The following GON4L variants were observed in gnomAD, a reference collection of about 807,000 sequenced individuals.
GON4L encodes the protein gon-4 like.
GON4L carries 87 observed loss-of-function variants against 211.8 expected under a neutral mutation model. The ratio of observed to expected loss-of-function variants is 0.41; its 90% CI spans 0.35 to 0.49. The LOEUF is 0.49. Ranked by LOEUF, GON4L falls within the 20% of genes least tolerant of loss-of-function variation. The probability of loss-of-function intolerance (pLI) is 0.15; values close to 1 mark genes in which losing one functional copy is unlikely to be tolerated. For missense variants in GON4L, 2,155 were observed against 2,659.5 expected (o/e 0.81, Z 4.17); for synonymous variants, 875 against 962.6 (o/e 0.91, Z 1.68).
chr1:155,854,873 T>C (rs1672128606), intron 1 of GON4L, among the ~76,000 whole-genome samples: 1 of 151,972 alleles, frequency 6.6e-6, no homozygotes. Flanking sequence ...CTGTCTCTAC[T>C]AAAAATACAA....
At chr1:155,854,982 C>T (rs531895883) in intron 1 of GON4L, among the ~76,000 whole-genome samples, 2 of 150,870 alleles carry the variant, frequency 1.3e-5, no homozygotes, top group East Asian at 2.0e-4. Context: ...TGCAGTGAGC[C>T]GAGATCACTC....
intron 2 of GON4L, among the ~76,000 whole-genome samples, chr1:155,837,005 C>A (rs1474647369): frequency 1.3e-5 from 2 of 152,142 alleles, no homozygotes; most frequent in Non-Finnish European, 2.9e-5. Flanking sequence ...GTTGGCCACC[C>A]CCAGGTTTTC....
chr1:155,752,088 C>T lies in GON4L; in HGVS notation c.6345G>A (p.Leu2115=). 1.2e-6 allele frequency: 2 copies of T among 1,613,756 alleles called. No individual in the cohort carries two copies. The highest frequency in any genetic ancestry group is 1.7e-6 in the Non-Finnish European group (2 of 1,179,714). Residue 2115 remains leucine, a synonymous_variant, in exon 30 of 32, where the codon TTG becomes TTA. Coordinates refer to ENST00000368331, the MANE Select transcript of GON4L (RefSeq NM_001282860.2). Reference sequence around the variant, plus strand: ...TGGCCTGTGTTCCACTGTCTTTAGCCAAACCCCCTCTAGGGGCTTTGGGAG... The same window carrying T: ...TGGCCTGTGTTCCACTGTCTTTAGCTAAACCCCCTCTAGGGGCTTTGGGAG... The part of the protein sequence containing the change: ...ETSPKAPRGG[L]AKDSGTQAKG...
At chr1:155,825,743 T>G (rs1218922989) in intron 3 of GON4L, among the ~76,000 whole-genome samples, 1 of 151,516 alleles carries the variant, frequency 6.6e-6, no homozygotes, top group Non-Finnish European at 1.5e-5. Context: ...CAAAAAAAAT[T>G]TTTTAATTAG....
At chr1:155,847,986 A>G (rs1055943292) in intron 2 of GON4L, among the ~76,000 whole-genome samples, 1 of 152,210 alleles carries the variant, frequency 6.6e-6, no homozygotes, top group Admixed American at 6.5e-5. Context: ...GTTACCTTAT[A>G]TGGTTTAAAA....
chr1:155,779,154 T>C (rs1238598573), intron 14 of GON4L, among the ~76,000 whole-genome samples: 1 of 145,942 alleles, frequency 6.9e-6, no homozygotes, highest in Non-Finnish European at 1.5e-5. Flanking sequence ...CTCAGGAGGC[T>C]GAGGCAGGAG....
chr1:155,847,182 T>G (rs1239075656), intron 2 of GON4L, among the ~76,000 whole-genome samples: 1 of 152,202 alleles, frequency 6.6e-6, no homozygotes, highest in Non-Finnish European at 1.5e-5. Context: ...ACCACAAGTT[T>G]TGGACCCATA....
At position 155,757,208 on chromosome 1, in the gene GON4L, A is replaced by G. The variant is rs981157291; in HGVS notation, c.5369T>C (p.Ile1790Thr). ...ATACTCCTTTTCCTCAGTCCAATTG[A>G]TCTCTTCAAAGTCACCCATCCGGCT... ...AASRMGDFEEINWTEEKEYEF... is the reference protein window; with the variant it reads ...AASRMGDFEETNWTEEKEYEF... Residue 1790 changes from isoleucine (I) to threonine (T), a missense_variant, in exon 26 of 32, where the codon ATC (isoleucine) becomes ACC (threonine). By Grantham distance (89) the Ile-to-Thr change is moderately conservative. Transcript: ENST00000368331. 2 of 1,613,756 alleles carry G rather than the reference A, an allele frequency of 1.2e-6. No homozygotes were observed. The highest frequency in any genetic ancestry group is 2.2e-5 in the East Asian group (1 of 44,862).
intron 10 of GON4L, among the ~76,000 whole-genome samples, chr1:155,811,671 C>T (rs1028443850): frequency 6.4e-5 from 9 of 139,964 alleles, no homozygotes; most frequent in Middle Eastern, 3.5e-3. Flanking sequence ...GCAGGAGAAT[C>T]GCTTGAACCC....
intron 28 of GON4L, among the ~76,000 whole-genome samples, 167 bp from the exon 29 acceptor site, chr1:155,753,581 T>C (rs1426649833): frequency 1.3e-5 from 2 of 152,164 alleles, no homozygotes; most frequent in African/African-American, 4.8e-5. Context: ...GGTACATGCC[T>C]ATAAACCTAG....
At chr1:155,747,812 G>C, downstream of GON4L, 1 of 1,608,806 alleles carries the variant, frequency 6.2e-7, no homozygotes, top group Non-Finnish European at 8.5e-7. Flanking sequence ...GGGTAGGCGC[G>C]AAGGCGGCAG....
intron 11 of GON4L, among the ~76,000 whole-genome samples, chr1:155,798,600 T>TC (rs1553207306): frequency 6.8e-6 from 1 of 147,854 alleles, no homozygotes; most frequent in African/African-American, 2.5e-5. Context: ...TTTTTTTTTT[T>TC]AGTAGAGACG....
At chr1:155,841,599 G>A (rs1412145615) in intron 2 of GON4L, among the ~76,000 whole-genome samples, 1 of 152,162 alleles carries the variant, frequency 6.6e-6, no homozygotes, top group Non-Finnish European at 1.5e-5. Flanking sequence ...GGCCTACAAT[G>A]TTTAATTGGC....
intron 14 of GON4L, among the ~76,000 whole-genome samples, chr1:155,782,362 C>A (rs1664504730): frequency 6.6e-6 from 1 of 152,168 alleles, no homozygotes; most frequent in Non-Finnish European, 1.5e-5. Context: ...TGTACCTTTT[C>A]TATGTTTACA....
At chr1:155,833,906 C>A (rs1220463420) in intron 2 of GON4L, among the ~76,000 whole-genome samples, 2 of 151,954 alleles carry the variant, frequency 1.3e-5, no homozygotes, top group Non-Finnish European at 2.9e-5. Flanking sequence ...GAGCTCACTG[C>A]AACCTTGAAC....
intron 24 of GON4L, among the ~76,000 whole-genome samples, chr1:155,759,835 C>A (rs934673303): frequency 6.6e-6 from 1 of 151,468 alleles, no homozygotes; most frequent in Non-Finnish European, 1.5e-5. Flanking sequence ...CTTCCCAGAC[C>A]GCTGTGTATA....
chr1:155,770,197 G>A (rs1415630024), intron 19 of GON4L, among the ~76,000 whole-genome samples: 1 of 152,026 alleles, frequency 6.6e-6, no homozygotes, highest in Non-Finnish European at 1.5e-5. Flanking sequence ...GGGTAGCAGA[G>A]TAAGACCCTT....
chr1:155,749,264 G>T (rs1291010694), downstream of GON4L: 10 of 1,587,412 alleles, frequency 6.3e-6, 1 homozygote, highest in South Asian at 8.0e-5. Context: ...AAAAGAAAAA[G>T]AATTCTTAGT....
At chr1:155,803,247 C>CTT (rs1017161138) in intron 11 of GON4L, among the ~76,000 whole-genome samples, 46 of 141,106 alleles carry the variant, frequency 3.3e-4, no homozygotes, top group African/African-American at 8.0e-4. Context: ...ATTTCTTTTT[C>CTT]TTTTTTTTTT....
Sources: allele counts gnomAD v4.1 joint callset (sites outside exome capture counted in the v4.1 genomes callset), GRCh38; gene constraint gnomAD v4.1.1; transcripts MANE v1.5; gene names NCBI Gene and HGNC (gene_info 2026-07-23, HGNC 2026-07-21).